Variants in GATA2 observed in about 807,000 individuals in gnomAD.
GATA2 encodes GATA binding protein 2.
A neutral mutation model predicts 35.7 loss-of-function variants in GATA2; 6 were observed. The ratio of observed to expected loss-of-function variants is 0.17; its 90% CI spans 0.09 to 0.33. The LOEUF is 0.33. Ranked by LOEUF, GATA2 falls within the 10% of genes least tolerant of loss-of-function variation. The pLI is 1.00. For synonymous variants in GATA2, 313 were observed against 274.9 expected, an observed-to-expected ratio of 1.14 and a Z score of -1.37; for missense variants, 541 against 656.6, an observed-to-expected ratio of 0.82 and a Z score of 1.92.
rs367569053 is a variant in GATA2, at chr3:128,481,808, G to T, written c.1143+11C>A. ...GGGAGGGGCGGGGTGGCCGGGGCGG[G>T]GCGCACTCACATTGTGCAGCTTGTA... On this transcript the variant is annotated intron_variant, in intron 5 of 5. Coordinates refer to ENST00000341105, the MANE Select transcript of GATA2 (RefSeq NM_032638.5). The T allele has an allele frequency of 6.2e-7, 1 of 1,611,574 alleles. No homozygotes were observed. Among genetic ancestry groups the T allele is most frequent in the South Asian group, 1.1e-5 (1 of 91,044 alleles).
chr3:128,487,105 CCGCCAG>C, intron 1 of GATA2, 29 bp from the exon 2 acceptor site: 1 of 1,271,024 alleles, frequency 7.9e-7, no homozygotes, highest in Non-Finnish European at 1.1e-6. Flanking sequence ...GTGAGGCGTG[CCGCCAG>C]CGCCTGACAC....
At chr3:128,484,904 A>G (rs2068675440) in intron 3 of GATA2, among the ~76,000 whole-genome samples, 1 of 152,114 alleles carries the variant, frequency 6.6e-6, no homozygotes, top group Non-Finnish European at 1.5e-5. Flanking sequence ...CTGGCAAGAG[A>G]AGGTGGTTCC....
At chr3:128,485,691 C>T (rs759059370) in intron 3 of GATA2, 36 bp downstream of exon 3, 1 of 1,607,182 alleles carries the variant, frequency 6.2e-7, no homozygotes, top group Non-Finnish European at 8.5e-7. Context: ...CGCAAATGCT[C>T]CCCTCTTCCA....
intron 3 of GATA2, among the ~76,000 whole-genome samples, chr3:128,484,583 T>C (rs2068670988): frequency 6.6e-6 from 1 of 152,218 alleles, no homozygotes; most frequent in Non-Finnish European, 1.5e-5. Flanking sequence ...AAGTTGTTGT[T>C]CTTTAAAATA....
chr3:128,486,479 C>T (rs1205922427), intron 2 of GATA2, 111 bp from the exon 3 acceptor site: 10 of 1,356,184 alleles, frequency 7.4e-6, no homozygotes, highest in African/African-American at 2.9e-5. Flanking sequence ...AGCAGTCATC[C>T]CCTCCCCAAA....
chr3:128,481,379 C>CCCG (rs2068626559), intron 5 of GATA2, 61 bp from the exon 6 acceptor site: 1 of 1,570,280 alleles, frequency 6.4e-7, no homozygotes, highest in Non-Finnish European at 8.7e-7. Context: ...TTCCTCCCAC[C>CCCG]CCGCCACAGC....
intron 1 of GATA2, among the ~76,000 whole-genome samples, chr3:128,491,756 C>T (rs1178985745): frequency 6.6e-6 from 1 of 152,164 alleles, no homozygotes; most frequent in Non-Finnish European, 1.5e-5. Flanking sequence ...CAGGCGCCTC[C>T]GAGATTCTAT....
rs750763562 is a variant in GATA2 at position 128,480,437 on chromosome 3, C to T, written c.*582G>A. ...TTGTCTCTGCCCTCCAGGGCCTGGC[C>T]CGTCAAAGCAGGCACCAGCTCACCC... On this transcript the variant is annotated 3_prime_UTR_variant, in exon 6 of 6. Coordinates refer to ENST00000341105, the MANE Select transcript of GATA2 (RefSeq NM_032638.5). 16 of 236,316 alleles carry T rather than the reference C, an allele frequency of 6.8e-5. No individual in the cohort carries two copies. The highest frequency in any genetic ancestry group is 9.1e-5 in the Non-Finnish European group (11 of 120,322). The allele number at this position is 236,316 out of a possible 1,614,324, so 14.6% of individuals were successfully genotyped here.
At chr3:128,486,665 C>G (rs1297238992) in intron 2 of GATA2, 138 bp downstream of exon 2, 28 of 964,364 alleles carry the variant, frequency 2.9e-5, no homozygotes, top group Non-Finnish European at 4.4e-5. Flanking sequence ...GCCGCTGCTC[C>G]CACCTCTCCC....
Position 128,487,015 on chromosome 3 carries a change from T to C in GATA2, c.17A>G (p.Glu6Gly), listed in dbSNP as rs2068711666. The C allele has an allele frequency of 1.3e-6, 2 of 1,595,694 alleles. No individual in the cohort carries two copies. Among genetic ancestry groups the C allele is most frequent in the Non-Finnish European group, 1.7e-6 (2 of 1,171,360 alleles). Reference protein sequence around the residue: MEVAPEQPRWMAHPAV... With the variant: MEVAPGQPRWMAHPAV... ...CGGGTGCGCCATCCAGCGCGGCTGC[T>C]CGGGCGCCACCTCCATGGCCGGCGG... Residue 6 changes from glutamate (E) to glycine (G), a missense_variant, in exon 2 of 6, where the codon GAG becomes GGG. Around this residue, in one of 5 missense-constraint regions of GATA2, gnomAD observed 389 missense variants for 396.9 expected, o/e 0.98. Coordinates refer to ENST00000341105, the MANE Select transcript of GATA2 (RefSeq NM_032638.5).
At chr3:128,492,308 C>A (rs1384594282) in intron 1 of GATA2, 1 of 152,258 alleles carries the variant, frequency 6.6e-6, no homozygotes, top group African/African-American at 2.4e-5. Flanking sequence ...GATCTTCAAG[C>A]CCGCGGCGGC....
intron 1 of GATA2, among the ~76,000 whole-genome samples, chr3:128,492,531 G>C (rs1241022311): frequency 6.6e-6 from 1 of 152,200 alleles, no homozygotes; most frequent in Non-Finnish European, 1.5e-5. Flanking sequence ...CCGCCGCTCG[G>C]CGGCCCGGCT....
rs910690042 is a variant in GATA2, at chr3:128,482,400, C to T, written c.1018-456G>A. The stretch of plus-strand genomic sequence containing the variant: ...TCCATAATCCTGGGTGAGTCAGTGT[C>T]GCTGAGGCCAGCGCAGGTTTACAGA... On this transcript the variant is annotated intron_variant, in intron 4 of 5. Coordinates refer to ENST00000341105, the MANE Select transcript of GATA2 (RefSeq NM_032638.5). Among the ~76,000 whole-genome samples, 8 of 152,314 alleles carry T rather than the reference C, an allele frequency of 5.3e-5. No homozygotes were observed. In the East Asian group the frequency reaches 7.7e-4, roughly 15 times the overall value.
chr3:128,491,215 C>G (rs1002760958), intron 1 of GATA2, among the ~76,000 whole-genome samples: 1 of 122,196 alleles, frequency 8.2e-6, no homozygotes, highest in Admixed American at 8.0e-5. Flanking sequence ...CCAGCCCCCC[C>G]CCCCCTCTGA....
intron 1 of GATA2, chr3:128,492,309 C>A (rs548854740): frequency 1.9e-4 from 29 of 152,380 alleles, no homozygotes; most frequent in African/African-American, 7.0e-4. Flanking sequence ...ATCTTCAAGC[C>A]CGCGGCGGCC....
At position 128,480,723 on chromosome 3, in the gene GATA2, T is replaced by C. The variant is rs2107667346; in HGVS notation, c.*296A>G. On this transcript the variant is annotated 3_prime_UTR_variant, in exon 6 of 6. Coordinates refer to ENST00000341105, the MANE Select transcript of GATA2 (RefSeq NM_032638.5). The stretch of plus-strand genomic sequence containing the variant: ...AATCCTTTTTCCTTCTAAAAATGGT[T>C]GCCTTCGTCTGTCCCGTCCCCTCCT... 1 of 401,506 alleles carries C rather than the reference T, an allele frequency of 2.5e-6. No homozygotes were observed. The highest frequency in any genetic ancestry group is 2.0e-5 in the African/African-American group (1 of 49,122). The allele number at this position is 401,506 out of a possible 1,614,324, so 24.9% of individuals were successfully genotyped here.
rs2068699579 is a variant in GATA2, at chr3:128,486,341, C to T, written c.257G>A (p.Arg86His). The T allele has an allele frequency of 6.2e-7, 1 of 1,602,000 alleles. No individual in the cohort carries two copies. ...ACCCGGGCTGTGCAACAAGTGTGGG[C>T]GGCACATCTGGCCTCCGGTCAGGCG... is the stretch of plus-strand genomic sequence containing the variant. ...HARLTGGQMC[R>H]PHLLHSPGLP... The change falls in exon 3 of 6, where the codon CGC becomes CAC. Residue 86 changes from arginine to histidine, a missense_variant. By Grantham distance (29) the Arg-to-His change is conservative. Around this residue, in one of 5 missense-constraint regions of GATA2, gnomAD observed 389 missense variants for 396.9 expected, o/e 0.98. Coordinates refer to ENST00000341105, the MANE Select transcript of GATA2 (RefSeq NM_032638.5).
In GATA2 at chr3:128,486,114, T is replaced by C. The variant is rs770215567; in HGVS notation, c.484A>G (p.Thr162Ala). The change falls in exon 3 of 6, where the codon ACA (threonine) becomes GCA (alanine). Residue 162 changes from threonine (T) to alanine (A), a missense_variant. Physicochemically the swap from Thr to Ala is moderately conservative, Grantham distance 58 (BLOSUM62 0). Transcript: ENST00000341105. ...SGSSVASLTP[T>A]AAHSGSHLFG... ...AGGTGGGAGCCAGAGTGGGCTGCTG[T>C]AGGGGTGAGGGAGGCCACTGAGCTC... 4 of 1,612,376 alleles carry C rather than the reference T, an allele frequency of 2.5e-6. No individual in the cohort carries two copies. Among genetic ancestry groups the C allele is most frequent in the South Asian group, 1.1e-5 (1 of 90,726 alleles).
chr3:128,481,675 GGGAA>G (rs1559984958), intron 5 of GATA2, 140 bp downstream of exon 5: 29 of 988,108 alleles, frequency 2.9e-5, no homozygotes, highest in Non-Finnish European at 3.7e-5. Context: ...CCCCTCTTAC[GGGAA>G]GCCCTTCTGG....
Sources: gnomAD v4.1 joint callset for allele counts (sites outside exome capture counted in the v4.1 genomes callset) on GRCh38, gnomAD v4.1.1 for gene constraint, gnomAD v4.1.1 regional missense constraint, MANE v1.5 for transcripts, NCBI Gene and HGNC (gene_info 2026-07-23, HGNC 2026-07-21) for gene names.